Variants in RTL1 observed in about 807,000 individuals in gnomAD.
RTL1 encodes retrotransposon Gag like 1, also known as retrotransposon-like protein 1.
For synonymous variants in RTL1, 727 were observed against 748.4 expected, an observed-to-expected ratio of 0.97 and a Z score of 0.47; for missense variants, 1,681 against 1,767.5, an observed-to-expected ratio of 0.95 and a Z score of 0.88.
rs889704881 is a variant in RTL1 at position 100,881,471 on chromosome 14, C to T, written c.3318G>A (p.Ser1106=). The T allele has an allele frequency of 8.4e-6, 13 of 1,550,912 alleles. No individual in the cohort carries two copies. The highest frequency in any genetic ancestry group is 3.9e-5 in the Admixed American group (2 of 50,988). Residue 1106 remains serine (S), a synonymous_variant, in exon 4 of 4, where the codon TCG becomes TCA. Transcript: ENST00000649591. The surrounding 1 kb of genome is among the most constrained non-coding windows in gnomAD (Gnocchi z 6.6). ...LVLLRVRQCL[S]LRPAPAMRVA... Reference sequence around the variant, plus strand: ...CCCGCATGGCGGGTGCCGGCCGCAGCGAGAGGCATTGCCTCACGCGCAGTA... The same window carrying T: ...CCCGCATGGCGGGTGCCGGCCGCAGTGAGAGGCATTGCCTCACGCGCAGTA...
chr14:100,896,139 A>G (rs1428708372), intron 2 of RTL1, among the ~76,000 whole-genome samples: 2 of 152,152 alleles, frequency 1.3e-5, no homozygotes, highest in African/African-American at 4.8e-5. Context: ...CAGGAATCAA[A>G]CTCAGTCCAA....
rs1024282463 is a variant in RTL1 at position 100,888,911 on chromosome 14, T to C, written c.-86-4037A>G. 4.6e-5 allele frequency among the ~76,000 whole-genome samples: 7 copies of C among 152,342 alleles called. No homozygotes were observed. The East Asian group carries it at 1.2e-3, about 25-fold the overall frequency. On this transcript the variant is annotated intron_variant, in intron 3 of 3. Transcript: ENST00000649591. Reference sequence around the variant, plus strand: ...GGTTGAAATTGGCACTCCCCCAAGATAGAAATTCAAAATGTTTGCGCATGA... The same window carrying C: ...GGTTGAAATTGGCACTCCCCCAAGACAGAAATTCAAAATGTTTGCGCATGA...
In RTL1 at chr14:100,881,089, C is replaced by T. The variant is rs1477497282; in HGVS notation, c.3700G>A (p.Glu1234Lys). 1 of 1,595,644 alleles carries T rather than the reference C, an allele frequency of 6.3e-7. No individual in the cohort carries two copies. The highest frequency in any genetic ancestry group is 1.7e-5 in the Admixed American group (1 of 58,138). The change falls in exon 4 of 4, where the codon GAA (glutamate) becomes AAA (lysine). Residue 1234 changes from glutamate (E) to lysine (K), a missense_variant. Physicochemically the swap from Glu to Lys is moderately conservative, Grantham distance 56. Transcript: ENST00000649591. The surrounding 1 kb of genome is among the most constrained non-coding windows in gnomAD (Gnocchi z 6.6). Reference sequence around the variant, plus strand: ...CGTTGCAGGTCGTCTTGCAGGGCTTCTCGCAAGACGACATCCTCATCACCA... The same window carrying T: ...CGTTGCAGGTCGTCTTGCAGGGCTTTTCGCAAGACGACATCCTCATCACCA... Reference protein sequence around the residue: ...VVGDEDVVLREALQDDLQRYR... With the variant: ...VVGDEDVVLRKALQDDLQRYR...
At chr14:100,885,852 T>G (rs528458902) in intron 3 of RTL1, among the ~76,000 whole-genome samples, 2 of 152,162 alleles carry the variant, frequency 1.3e-5, no homozygotes, top group African/African-American at 4.8e-5. Context: ...CGCCAGTGGG[T>G]CTGGTCTCCT....
intron 2 of RTL1, among the ~76,000 whole-genome samples, chr14:100,895,493 G>A (rs1040544690): frequency 6.6e-6 from 1 of 152,170 alleles, no homozygotes; most frequent in Non-Finnish European, 1.5e-5. Flanking sequence ...ATGTAGAAAA[G>A]GCACTTATTT....
At chr14:100,886,289 C>T (rs2038697385) in intron 3 of RTL1, among the ~76,000 whole-genome samples, 1 of 151,334 alleles carries the variant, frequency 6.6e-6, no homozygotes, top group Non-Finnish European at 1.5e-5. Context: ...CAACAGGATA[C>T]AAAATTCAGA....
chr14:100,880,783 C>CCCAGG lies in RTL1; in HGVS notation c.4001_4005dup (p.Glu1336ProfsTer12). 3 of 1,550,636 alleles carry CCCAGG rather than the reference C, an allele frequency of 1.9e-6. No individual in the cohort carries two copies. The highest frequency in any genetic ancestry group is 2.6e-6 in the Non-Finnish European group (3 of 1,146,912). On this transcript the variant is annotated frameshift_variant, in exon 4 of 4. Transcript: ENST00000649591. LOFTEE classifies it low-confidence loss of function (END_TRUNC). ...CTTGCCTGCTCCCTGGGCTGGCTCT[C>CCCAGG]CCAGGCGGGGATGGGCAGGGCCCGC... is the stretch of plus-strand genomic sequence containing the variant.
intron 2 of RTL1, among the ~76,000 whole-genome samples, chr14:100,897,278 AAAAC>A (rs1304263392): frequency 6.6e-6 from 1 of 152,230 alleles, no homozygotes; most frequent in Non-Finnish European, 1.5e-5. Context: ...AACAAAAACA[AAAAC>A]AACCCACAGG....
intron 3 of RTL1, among the ~76,000 whole-genome samples, chr14:100,887,277 G>A (rs1016414794): frequency 3.9e-5 from 6 of 152,030 alleles, no homozygotes; most frequent in Admixed American, 3.9e-4. Flanking sequence ...AAATAAAAAG[G>A]TCACTCTCCC....
chr14:100,899,032 C>T (rs1049107284), intron 2 of RTL1: 4 of 152,362 alleles, frequency 2.6e-5, no homozygotes, highest in African/African-American at 4.8e-5. Flanking sequence ...TTTCTTGCAC[C>T]GATGGGCAGA....
chr14:100,897,121 G>A (rs972727372), intron 2 of RTL1, among the ~76,000 whole-genome samples: 14 of 152,128 alleles, frequency 9.2e-5, no homozygotes, highest in Non-Finnish European at 1.8e-4. Flanking sequence ...CGGAGGCTTG[G>A]GGCTCCAGTG....
At position 100,881,652 on chromosome 14, in the gene RTL1, A is replaced by G; in HGVS notation, c.3137T>C (p.Leu1046Pro). Residue 1046 changes from leucine to proline, a missense_variant, in exon 4 of 4, where the codon CTA becomes CCA. Physicochemically the swap from Leu to Pro is moderately conservative, Grantham distance 98. Transcript: ENST00000649591. The surrounding 1 kb of genome is among the most constrained non-coding windows in gnomAD (Gnocchi z 6.6). ...EEQDELNEQI[L>P]RQELLAMIPI... Reference sequence around the variant, plus strand: ...TATCATGGCCAGCAGCTCTTGCCGTAGGATCTGTTCATTGAGCTCATCCTG... The same window carrying G: ...TATCATGGCCAGCAGCTCTTGCCGTGGGATCTGTTCATTGAGCTCATCCTG... 1 of 1,552,346 alleles carries G rather than the reference A, an allele frequency of 6.4e-7. No individual in the cohort carries two copies. The highest frequency in any genetic ancestry group is 2.0e-5 in the Admixed American group (1 of 51,044).
intron 2 of RTL1, chr14:100,897,952 A>G (rs1439959342): frequency 3.9e-6 from 2 of 517,038 alleles, no homozygotes; most frequent in African/African-American, 1.9e-5. Flanking sequence ...TTATGAACAA[A>G]AGATCATGAT....
chr14:100,896,431 G>T (rs925524870), intron 2 of RTL1, among the ~76,000 whole-genome samples: 1 of 152,118 alleles, frequency 6.6e-6, no homozygotes, highest in Non-Finnish European at 1.5e-5. Context: ...TGTAAAGTGG[G>T]CTTAGTTTTG....
rs1401226571 is a variant in RTL1 at position 100,882,437 on chromosome 14, G to C, written c.2352C>G (p.Pro784=). Residue 784 remains proline, a synonymous_variant, in exon 4 of 4, where the codon CCC becomes CCG. Transcript: ENST00000649591. Reference sequence around the variant, plus strand: ...CGTTCTTGTTCAGTTTCACCCCTTTGGGGGTGACGACGAAGCCCAGGAATT... The same window carrying C: ...CGTTCTTGTTCAGTTTCACCCCTTTCGGGGTGACGACGAAGCCCAGGAATT... The part of the protein sequence containing the change: ...TVEFLGFVVT[P]KGVKLNKNVM... The C allele has an allele frequency of 6.4e-7, 1 of 1,552,060 alleles. No individual in the cohort carries two copies. Among genetic ancestry groups the C allele is most frequent in the East Asian group, 2.4e-5 (1 of 40,912 alleles).
chr14:100,880,626 G>T lies in RTL1; in HGVS notation c.*86C>A, dbSNP rs1006863897. 45 of 1,518,084 alleles carry T rather than the reference G, an allele frequency of 3.0e-5. No homozygotes were observed. The East Asian group carries it at 1.1e-3, about 37-fold the overall frequency. The allele number at this position is 1,518,084 out of a possible 1,614,324, so 94.0% of individuals were successfully genotyped here. ...AGTGGCAGGAAGGGAAGCGAAGCAG[G>T]CTGAGGCGCGGGGAGGCCAGGGGAC... is the stretch of plus-strand genomic sequence containing the variant. On this transcript the variant is annotated 3_prime_UTR_variant, in exon 4 of 4. Transcript: ENST00000649591.
chr14:100,896,214 T>A (rs1404210578), intron 2 of RTL1, among the ~76,000 whole-genome samples: 2 of 152,200 alleles, frequency 1.3e-5, no homozygotes, highest in African/African-American at 4.8e-5. Context: ...GAGCGAGGCA[T>A]GCAGGCCGAG....
intron 2 of RTL1, among the ~76,000 whole-genome samples, chr14:100,897,083 G>C (rs1031220309): frequency 5.3e-5 from 8 of 152,148 alleles, no homozygotes; most frequent in African/African-American, 1.9e-4. Flanking sequence ...GCACACACCT[G>C]CCAGCCCGAT....
intron 2 of RTL1, among the ~76,000 whole-genome samples, chr14:100,899,675 A>G (rs538013050): frequency 6.7e-6 from 1 of 150,296 alleles, no homozygotes; most frequent in Admixed American, 6.7e-5. Context: ...TCCTTGGCAA[A>G]TCCCCAAGTG....
Sources: gnomAD v4.1 joint callset for allele counts (sites outside exome capture counted in the v4.1 genomes callset) on GRCh38, gnomAD v4.1.1 for gene constraint, Gnocchi (gnomAD v3.1) non-coding constraint, MANE v1.5 for transcripts, NCBI Gene and HGNC (gene_info 2026-07-23, HGNC 2026-07-21) for gene names.